The following NXN variants were observed in gnomAD, a reference collection of about 807,000 sequenced individuals.
NXN encodes nucleoredoxin 1.
In NXN, 16 loss-of-function variants were observed where a neutral mutation model predicts 48.6. The ratio of observed to expected loss-of-function variants is 0.33; its 90% CI spans 0.22 to 0.50. NXN has a LOEUF of 0.50. NXN is among the 20% of genes least tolerant of loss of function. The probability of loss-of-function intolerance (pLI) is 0.98; values close to 1 mark genes in which losing one functional copy is unlikely to be tolerated. For synonymous variants in NXN, 281 were observed against 269.6 expected, an observed-to-expected ratio of 1.04 and a Z score of -0.41; for missense variants, 492 against 605.5, an observed-to-expected ratio of 0.81 and a Z score of 1.97.
intron 1 of NXN, among the ~76,000 whole-genome samples, chr17:843,231 C>A (rs369714238): frequency 6.6e-6 from 1 of 152,230 alleles, no homozygotes; most frequent in African/African-American, 2.4e-5. Flanking sequence ...TGGCTGCTGG[C>A]GTGGGGAGTC....
intron 1 of NXN, among the ~76,000 whole-genome samples, chr17:893,173 A>G (rs921439145): frequency 1.3e-5 from 2 of 152,272 alleles, no homozygotes; most frequent in African/African-American, 4.8e-5. Context: ...CAGCAGGGCA[A>G]TGCTCTCGTT....
At chr17:941,432 G>A (rs1227480770) in intron 1 of NXN, among the ~76,000 whole-genome samples, 20 of 143,488 alleles carry the variant, frequency 1.4e-4, no homozygotes, top group Non-Finnish European at 2.6e-4. Context: ...CAAGATTCCA[G>A]GGCGCAGCCA....
chr17:929,288 A>T (rs998897677), intron 1 of NXN, among the ~76,000 whole-genome samples: 7 of 152,174 alleles, frequency 4.6e-5, no homozygotes, highest in Non-Finnish European at 1.0e-4. Context: ...CTGGCCCTCT[A>T]CTGGCATTTG....
chr17:873,687 AATAATG>A (rs1023667589), intron 1 of NXN, among the ~76,000 whole-genome samples: 3 of 152,144 alleles, frequency 2.0e-5, no homozygotes, highest in Admixed American at 1.3e-4. Flanking sequence ...TGTGCATATA[AATAATG>A]ATAATATCAA....
chr17:850,710 C>T (rs776241867), intron 1 of NXN, among the ~76,000 whole-genome samples: 1 of 152,148 alleles, frequency 6.6e-6, no homozygotes, highest in Non-Finnish European at 1.5e-5. Context: ...GATGAATGGC[C>T]ACACGTCCCT....
chr17:889,197 G>A lies in NXN; in HGVS notation c.361-63119C>T, dbSNP rs1597697201. 4.6e-5 allele frequency among the ~76,000 whole-genome samples: 7 copies of A among 152,184 alleles called. 1 individual carries two copies. The South Asian group carries it at 1.5e-3, about 32-fold the overall frequency. On this transcript the variant is annotated intron_variant, in intron 1 of 7. Transcript: ENST00000336868. ...ATTAAGTGGGAAGACAGAGCAGAAA[G>A]CCCAGCGCCTGCACGTGCCACACTT...
At position 919,695 on chromosome 17, in the gene NXN, C is replaced by T. The variant is rs998530259; in HGVS notation, c.360+59624G>A. The stretch of plus-strand genomic sequence containing the variant: ...ACAACACCAATCAGCCCTTACCAGG[C>T]AGTGCGTGGCTCCAGAACAACAACT... On this transcript the variant is annotated intron_variant, in intron 1 of 7. Transcript: ENST00000336868. The surrounding 1 kb of genome is among the most constrained non-coding windows in gnomAD (Gnocchi z 5.1). Among the ~76,000 whole-genome samples the T allele has an allele frequency of 6.6e-6, 1 of 152,140 alleles. No individual in the cohort carries two copies. The highest frequency in any genetic ancestry group is 1.5e-5 in the Non-Finnish European group (1 of 68,028).
chr17:908,564 AT>A (rs964807751), intron 1 of NXN, among the ~76,000 whole-genome samples: 1 of 152,048 alleles, frequency 6.6e-6, no homozygotes, highest in African/African-American at 2.4e-5. Flanking sequence ...CAAAAAACCC[AT>A]GTTCTACTTT....
At chr17:966,220 C>A (rs1296157406) in intron 1 of NXN, among the ~76,000 whole-genome samples, 6 of 152,100 alleles carry the variant, frequency 3.9e-5, no homozygotes, top group African/African-American at 7.2e-5. Context: ...CCACAGCACG[C>A]GGACACATGT....
Position 956,373 on chromosome 17 carries a change from C to G in NXN, c.360+22946G>C, listed in dbSNP as rs1055529337. Among the ~76,000 whole-genome samples, 12 of 152,166 alleles carry G rather than the reference C, an allele frequency of 7.9e-5. No homozygotes were observed. The highest frequency in any genetic ancestry group is 6.5e-4 in the Admixed American group (10 of 15,276). On this transcript the variant is annotated intron_variant, in intron 1 of 7. Coordinates refer to ENST00000336868, the MANE Select transcript of NXN (RefSeq NM_022463.5). The surrounding 1 kb of genome is among the most constrained non-coding windows in gnomAD (Gnocchi z 4.1). ...CAGAACAGTGGTCACCGTCTTCTGG[C>G]CTTTTCCTCTGTGCCCAGCACTATG...
chr17:825,240 G>C lies in NXN; in HGVS notation c.478+721C>G, dbSNP rs958308866. Among the ~76,000 whole-genome samples, 1 of 118,214 alleles carries C rather than the reference G, an allele frequency of 8.5e-6. No individual in the cohort carries two copies. The highest frequency in any genetic ancestry group is 1.8e-5 in the Non-Finnish European group (1 of 57,122). The allele number at this position is 118,214 out of a possible 152,430, so 77.6% of individuals were successfully genotyped here. A position where few individuals can be genotyped will look rare whatever the true frequency, so the allele number is the denominator to read the frequency against. ...TCAAGAGAAAAAAAAAAAAAAAAAAGAAAAGCTTCACGCTTGGTTCCACCA... is the reference window on the plus strand; with the variant it reads ...TCAAGAGAAAAAAAAAAAAAAAAAACAAAAGCTTCACGCTTGGTTCCACCA... On this transcript the variant is annotated intron_variant, in intron 2 of 7. Transcript: ENST00000336868. This position sits in a 1 kb window ranked among gnomAD's most constrained non-coding sequence, Gnocchi z 4.1.
At chr17:910,379 T>A (rs1353377966) in intron 1 of NXN, among the ~76,000 whole-genome samples, 1 of 150,190 alleles carries the variant, frequency 6.7e-6, no homozygotes, top group Non-Finnish European at 1.5e-5. Flanking sequence ...GCCGCTGCAC[T>A]CCAGCCTGGG....
At chr17:885,294 A>G (rs547277082) in intron 1 of NXN, among the ~76,000 whole-genome samples, 23 of 152,148 alleles carry the variant, frequency 1.5e-4, no homozygotes, top group Non-Finnish European at 1.0e-4. Flanking sequence ...TCTGGCCAAC[A>G]TGGTGACACC....
intron 7 of NXN, among the ~76,000 whole-genome samples, chr17:803,258 G>A (rs529156124): frequency 9.1e-4 from 139 of 152,296 alleles, no homozygotes; most frequent in African/African-American, 3.2e-3. Context: ...CTGGGTGACC[G>A]CAGGTATAAG....
chr17:810,267 C>CGTTACGAGTCTGTGAGTGGCGTGCAA (rs1567810857), intron 5 of NXN, among the ~76,000 whole-genome samples: 13 of 129,752 alleles, frequency 1.0e-4, no homozygotes, highest in African/African-American at 2.8e-4. Flanking sequence ...GTGGCGTGCA[C>CGTTACGAGTCTGTGAGTGGCGTGCAA]GTTACGAGTC....
intron 6 of NXN, 73 bp from the exon 7 acceptor site, chr17:803,879 G>C: frequency 6.3e-7 from 1 of 1,591,364 alleles, no homozygotes; most frequent in South Asian, 1.1e-5. Flanking sequence ...GGCACCCGCC[G>C]AGGGGGCCTG....
At chr17:959,144 C>A in intron 1 of NXN, 1 of 526,108 alleles carries the variant, frequency 1.9e-6, no homozygotes, top group Non-Finnish European at 3.0e-6. Flanking sequence ...CAACAAGAGC[C>A]GAGCGCCCCT....
intron 5 of NXN, among the ~76,000 whole-genome samples, chr17:816,629 T>C (rs553799939): frequency 1.3e-5 from 2 of 152,244 alleles, no homozygotes; most frequent in East Asian, 3.9e-4. Flanking sequence ...GACATCCATC[T>C]GCACGATTAG....
chr17:948,471 G>C (rs2069070600), intron 1 of NXN, among the ~76,000 whole-genome samples: 1 of 152,120 alleles, frequency 6.6e-6, no homozygotes, highest in Non-Finnish European at 1.5e-5. Context: ...GTACTGAGGG[G>C]TAGGAGCGGC....
Sources: allele counts gnomAD v4.1 joint callset (sites outside exome capture counted in the v4.1 genomes callset), GRCh38; gene constraint gnomAD v4.1.1; non-coding constraint Gnocchi (gnomAD v3.1); transcripts MANE v1.5; gene names NCBI Gene and HGNC (gene_info 2026-07-23, HGNC 2026-07-21).